The following NTN4 variants were observed in gnomAD, a reference collection of about 807,000 sequenced individuals.
The protein encoded by NTN4 is netrin 4.
In NTN4, 32 loss-of-function variants were observed where a neutral mutation model predicts 73.6. The ratio of observed to expected loss-of-function variants is 0.44; its 90% CI spans 0.33 to 0.58. The LOEUF (loss-of-function observed/expected upper bound fraction) is 0.58, where lower values mean the gene tolerates loss of function less well. Among genes scored for constraint, NTN4 ranks in the 20% least tolerant of loss-of-function variants. NTN4 has a pLI of 0.04. For synonymous variants in NTN4, 258 were observed against 287.5 expected, an observed-to-expected ratio of 0.90 and a Z score of 1.04; for missense variants, 654 against 798.3, an observed-to-expected ratio of 0.82 and a Z score of 2.18.
chr12:95,773,791 A>G (rs940269808), intron 2 of NTN4, among the ~76,000 whole-genome samples: 5 of 152,016 alleles, frequency 3.3e-5, no homozygotes, highest in Non-Finnish European at 5.9e-5. Flanking sequence ...TATTTACTTT[A>G]TTTAGCACCT....
chr12:95,675,730 G>A (rs1291936850), intron 7 of NTN4, among the ~76,000 whole-genome samples: 1 of 152,184 alleles, frequency 6.6e-6, no homozygotes, highest in African/African-American at 2.4e-5. Context: ...GGGGGATAGG[G>A]CTTTGGGGTC....
intron 5 of NTN4, 52 bp downstream of exon 5, chr12:95,710,389 A>C: frequency 1.0e-4 from 136 of 1,335,012 alleles, no homozygotes; most frequent in Non-Finnish European, 1.3e-4. Context: ...GGATAAAGAG[A>C]TTCATCTCTT....
At chr12:95,693,494 G>C (rs1427245939) in intron 5 of NTN4, among the ~76,000 whole-genome samples, 1 of 151,924 alleles carries the variant, frequency 6.6e-6, no homozygotes, top group African/African-American at 2.4e-5. Context: ...ACTTTGAGAG[G>C]GCGAGGCAGG....
intron 2 of NTN4, among the ~76,000 whole-genome samples, chr12:95,770,736 G>C (rs1049173319): frequency 3.9e-5 from 6 of 152,222 alleles, no homozygotes; most frequent in Non-Finnish European, 8.8e-5. Flanking sequence ...GCAGCCGGAA[G>C]ACAGTGTCAG....
rs1398113392 is a variant in NTN4, at chr12:95,789,977, G to C, written c.55+278C>G. 1.0e-5 allele frequency: 4 copies of C among 386,444 alleles called. No homozygotes were observed. Among genetic ancestry groups the C allele is most frequent in the Middle Eastern group, 6.5e-4 (1 of 1,532 alleles). 23.9% of individuals were successfully genotyped at this position (386,444 alleles called of 1,614,324 possible). On this transcript the variant is annotated intron_variant, in intron 1 of 9. Coordinates refer to ENST00000343702, the MANE Select transcript of NTN4 (RefSeq NM_021229.4). This position sits in a 1 kb window ranked among gnomAD's most constrained non-coding sequence, Gnocchi z 4.0. ...AAGTGGAAAAGCAGTTTTTTAACAA[G>C]CCAAACCAAGAAAGAAACCCCGGTC... is the stretch of plus-strand genomic sequence containing the variant.
chr12:95,769,169 T>C (rs1027466205), intron 2 of NTN4, among the ~76,000 whole-genome samples: 1 of 152,126 alleles, frequency 6.6e-6, no homozygotes, highest in African/African-American at 2.4e-5. Context: ...TCAGTATGAT[T>C]GTGTTGTTAT....
At chr12:95,710,957 T>G (rs2078560853) in intron 4 of NTN4, among the ~76,000 whole-genome samples, 1 of 152,176 alleles carries the variant, frequency 6.6e-6, no homozygotes, top group Non-Finnish European at 1.5e-5. Context: ...TGAGCTGAGA[T>G]TGCGCCACTG....
At chr12:95,708,663 C>G (rs1194381814) in intron 5 of NTN4, among the ~76,000 whole-genome samples, 1 of 152,170 alleles carries the variant, frequency 6.6e-6, no homozygotes, top group East Asian at 1.9e-4. Context: ...CCCACCTCAG[C>G]CTCCCAGAGT....
chr12:95,672,473 C>A, intron 7 of NTN4: 1 of 1,512,326 alleles, frequency 6.6e-7, no homozygotes, highest in South Asian at 1.1e-5. Flanking sequence ...ATCTGCTTCA[C>A]CTCAGTGCAG....
chr12:95,700,691 G>C (rs1273537646), intron 5 of NTN4, among the ~76,000 whole-genome samples: 1 of 152,012 alleles, frequency 6.6e-6, no homozygotes, highest in South Asian at 2.1e-4. Flanking sequence ...TGTGAATCAG[G>C]TCAGGGTTCC....
intron 9 of NTN4, among the ~76,000 whole-genome samples, chr12:95,662,812 A>C (rs1268954413): frequency 6.6e-6 from 1 of 152,184 alleles, no homozygotes; most frequent in African/African-American, 2.4e-5. Context: ...ACAATAATCA[A>C]TTTTTAAGAA....
At chr12:95,767,794 C>T (rs987540631) in intron 2 of NTN4, among the ~76,000 whole-genome samples, 2 of 152,054 alleles carry the variant, frequency 1.3e-5, no homozygotes, top group African/African-American at 4.8e-5. Context: ...AGATCTGTAC[C>T]TTTCCATCTA....
intron 5 of NTN4, among the ~76,000 whole-genome samples, chr12:95,684,442 G>C (rs1211749748): frequency 1.3e-5 from 2 of 151,862 alleles, no homozygotes; most frequent in Non-Finnish European, 2.9e-5. Flanking sequence ...GGGACTACAA[G>C]CCGGCACCAT....
chr12:95,771,051 G>T lies in NTN4; in HGVS notation c.585+15888C>A, dbSNP rs539800979. 2.1e-5 allele frequency among the ~76,000 whole-genome samples: 3 copies of T among 144,888 alleles called. No homozygotes were observed. The South Asian group carries it at 6.4e-4, about 31-fold the overall frequency. ...GTCGCCCAGGCTGGAGTGCAGTGGC[G>T]CGATCTCGGCTCACTGCAAGCTCCG... On this transcript the variant is annotated intron_variant, in intron 2 of 9. Coordinates refer to ENST00000343702, the MANE Select transcript of NTN4 (RefSeq NM_021229.4).
Position 95,683,512 on chromosome 12 carries a change from T to G in NTN4, c.1380A>C (p.Gly460=). The change falls in exon 6 of 10, where the codon GGA becomes GGC. Residue 460 remains glycine (G), a synonymous_variant. Coordinates refer to ENST00000343702, the MANE Select transcript of NTN4 (RefSeq NM_021229.4). ...DCAGSCDPIT[G]DCISSHTDID... ...TGCACATTCACCTGCTGATGCAGTC[T>G]CCGGTGATAGGGTCACAGCTCCCCG... is the stretch of plus-strand genomic sequence containing the variant. 6.2e-7 allele frequency: 1 copy of G among 1,614,026 alleles called. No homozygotes were observed. Among genetic ancestry groups the G allele is most frequent in the African/African-American group, 1.3e-5 (1 of 75,040 alleles).
At chr12:95,743,667 T>C (rs948050904) in intron 2 of NTN4, among the ~76,000 whole-genome samples, 1 of 152,224 alleles carries the variant, frequency 6.6e-6, no homozygotes, top group Non-Finnish European at 1.5e-5. Flanking sequence ...TGTTATTGAT[T>C]TCTAACTTAA....
At chr12:95,672,966 C>T in intron 7 of NTN4, 1 of 1,143,050 alleles carries the variant, frequency 8.7e-7, no homozygotes, top group Admixed American at 1.7e-5. Flanking sequence ...GTAAATTGGA[C>T]AAGAGCTCGA....
intron 5 of NTN4, among the ~76,000 whole-genome samples, chr12:95,707,185 C>A (rs547216998): frequency 2.6e-5 from 4 of 152,182 alleles, no homozygotes; most frequent in Non-Finnish European, 5.9e-5. Flanking sequence ...TCATTTTACT[C>A]CAAGTAAAAG....
At chr12:95,768,489 C>T (rs926137605) in intron 2 of NTN4, among the ~76,000 whole-genome samples, 4 of 151,938 alleles carry the variant, frequency 2.6e-5, no homozygotes, top group Non-Finnish European at 5.9e-5. Context: ...GAACATGGCA[C>T]CTGAGAGTGA....
Sources: gnomAD v4.1 joint callset for allele counts (sites outside exome capture counted in the v4.1 genomes callset) on GRCh38, gnomAD v4.1.1 for gene constraint, Gnocchi (gnomAD v3.1) non-coding constraint, MANE v1.5 for transcripts, NCBI Gene and HGNC (gene_info 2026-07-23, HGNC 2026-07-21) for gene names.